DOCK7: variants seen among roughly 807,000 people sequenced by gnomAD.
DOCK7 encodes the protein dedicator of cytokinesis 7.
In DOCK7, 138 loss-of-function variants were observed where a neutral mutation model predicts 271.0. The ratio of observed to expected loss-of-function variants is 0.51; its 90% confidence interval spans 0.44 to 0.59. DOCK7 has a LOEUF of 0.59. DOCK7 is among the 20% of genes least tolerant of loss of function. DOCK7 has a pLI of 0.00. For synonymous variants in DOCK7, 823 were observed against 876.1 expected, an observed-to-expected ratio of 0.94 and a Z score of 1.07; for missense variants, 2,066 against 2,592.4, an observed-to-expected ratio of 0.80 and a Z score of 4.41.
chr1:62,640,554 G>A (rs192260712), intron 7 of DOCK7, among the ~76,000 whole-genome samples: 2 of 152,054 alleles, frequency 1.3e-5, no homozygotes, highest in African/African-American at 2.4e-5. Context: ...GTGTGTGTGT[G>A]TGTATTTGTT....
chr1:62,591,536 TAAAAG>T (rs750723978), intron 14 of DOCK7, among the ~76,000 whole-genome samples: 3 of 151,560 alleles, frequency 2.0e-5, no homozygotes, highest in African/African-American at 4.9e-5. Context: ...TAAAAAATAA[TAAAAG>T]AAAAGAAAAA....
intron 31 of DOCK7, among the ~76,000 whole-genome samples, chr1:62,516,523 G>GA (rs1233248155): frequency 1.3e-5 from 2 of 152,130 alleles, no homozygotes; most frequent in African/African-American, 4.8e-5. Context: ...ATGACCTCTA[G>GA]AAAACAGAAA....
chr1:62,653,466 A>C (rs908463924), intron 4 of DOCK7, among the ~76,000 whole-genome samples: 1 of 152,194 alleles, frequency 6.6e-6, no homozygotes, highest in African/African-American at 2.4e-5. Flanking sequence ...CCACAAAATC[A>C]TTATCATACA....
At chr1:62,487,330 A>G (rs1646322818) in intron 43 of DOCK7, 68 bp downstream of exon 43, 11 of 1,505,776 alleles carry the variant, frequency 7.3e-6, no homozygotes, top group Middle Eastern at 1.7e-4. Context: ...ATGTGGGCAA[A>G]GCATTGGCAT....
chr1:62,460,237 C>G (rs143211476), intron 48 of DOCK7, among the ~76,000 whole-genome samples: 1 of 151,692 alleles, frequency 6.6e-6, no homozygotes, highest in African/African-American at 2.4e-5. Flanking sequence ...ATAATCCAAG[C>G]TCACCCATAA....
rs1646247374 is a variant in DOCK7 at position 62,559,349 on chromosome 1, CATT to C, written c.2200-132_2200-130del. The C allele has an allele frequency of 1.6e-5, 9 of 580,372 alleles. No individual in the cohort carries two copies. The South Asian group carries it at 2.5e-4, about 16-fold the overall frequency. 36.0% of individuals were successfully genotyped at this position (580,372 alleles called of 1,614,324 possible). On this transcript the variant is annotated intron_variant, in intron 19 of 49. Coordinates refer to ENST00000635253, the MANE Select transcript of DOCK7 (RefSeq NM_001367561.1). The stretch of plus-strand genomic sequence containing the variant: ...TAAAAAGTTCAAGTAGGTATACAAA[CATT>C]GTTTCCAATTAAACAAATCTATTTT...
chr1:62,596,364 A>G (rs1649248014), intron 14 of DOCK7, among the ~76,000 whole-genome samples: 1 of 152,178 alleles, frequency 6.6e-6, no homozygotes. Flanking sequence ...CCATATTAAT[A>G]TGTCAAGATT....
chr1:62,462,809 T>C (rs1645568161), intron 48 of DOCK7, among the ~76,000 whole-genome samples: 1 of 152,108 alleles, frequency 6.6e-6, no homozygotes, highest in East Asian at 1.9e-4. Flanking sequence ...CTACGTAGAC[T>C]TGAACTTCTG....
At chr1:62,538,132 G>A in intron 27 of DOCK7, 71 bp from the exon 28 acceptor site, 1 of 1,468,828 alleles carries the variant, frequency 6.8e-7, no homozygotes, top group South Asian at 1.4e-5. Context: ...TACCAGAATG[G>A]CAAATTAGAA....
rs189264321 is a variant in DOCK7 at position 62,571,302 on chromosome 1, A to T, written c.2112+5960T>A. Reference sequence around the variant, plus strand: ...TGTGGCCAACAAACATACGAAAAAAAGCTCAGTATCACTGATCATCAGATA... The same window carrying T: ...TGTGGCCAACAAACATACGAAAAAATGCTCAGTATCACTGATCATCAGATA... On this transcript the variant is annotated intron_variant, in intron 18 of 49. Transcript: ENST00000635253. 3.8e-3 allele frequency among the ~76,000 whole-genome samples: 577 copies of T among 152,322 alleles called. 6 individuals carry two copies. The highest frequency in any genetic ancestry group is 0.013 in the African/African-American group (525 of 41,584).
At chr1:62,543,526 G>A (rs1365068441) in intron 24 of DOCK7, 130 bp downstream of exon 24, 1 of 586,110 alleles carries the variant, frequency 1.7e-6, no homozygotes, top group Non-Finnish European at 2.9e-6. Context: ...AGCAATGCTT[G>A]TTCAGATATA....
rs1652930251 is a variant in DOCK7, at chr1:62,619,880, T to C, written c.1519+20A>G. On this transcript the variant is annotated intron_variant, in intron 13 of 49. Transcript: ENST00000635253. ...TGATAATAATAGTTGCAACCATTTCTACTCAAAATTTTTAAATACCTGTAA... is the reference window on the plus strand; with the variant it reads ...TGATAATAATAGTTGCAACCATTTCCACTCAAAATTTTTAAATACCTGTAA... 2 of 1,530,532 alleles carry C rather than the reference T, an allele frequency of 1.3e-6. No individual in the cohort carries two copies. Among genetic ancestry groups the C allele is most frequent in the African/African-American group, 1.4e-5 (1 of 72,588 alleles). 94.8% of individuals were successfully genotyped at this position (1,530,532 alleles called of 1,614,324 possible).
intron 12 of DOCK7, among the ~76,000 whole-genome samples, chr1:62,623,766 A>G (rs926659440): frequency 6.6e-6 from 1 of 152,222 alleles, no homozygotes; most frequent in Non-Finnish European, 1.5e-5. Context: ...TACTGTCCAT[A>G]ATAAAAAGAC....
intron 4 of DOCK7, among the ~76,000 whole-genome samples, chr1:62,651,449 TAAAAAAAAAA>T (rs71045850): frequency 7.7e-6 from 1 of 130,156 alleles, no homozygotes; most frequent in Admixed American, 7.8e-5. Context: ...TAAAGTATAA[TAAAAAAAAAA>T]AAAAGAAAAA....
chr1:62,583,844 T>A (rs1647216458), intron 15 of DOCK7, among the ~76,000 whole-genome samples: 1 of 152,174 alleles, frequency 6.6e-6, no homozygotes, highest in Non-Finnish European at 1.5e-5. Flanking sequence ...ATATTACTTT[T>A]GGAATAAGTT....
intron 25 of DOCK7, among the ~76,000 whole-genome samples, chr1:62,542,324 A>G (rs1285836927): frequency 1.3e-5 from 2 of 152,198 alleles, no homozygotes; most frequent in Non-Finnish European, 2.9e-5. Flanking sequence ...TATAATGACT[A>G]GCAAAGAATG....
chr1:62,474,565 T>A (rs535271207), intron 47 of DOCK7, among the ~76,000 whole-genome samples: 1 of 149,400 alleles, frequency 6.7e-6, no homozygotes, highest in East Asian at 2.0e-4. Flanking sequence ...ATCGTGCATG[T>A]TTCTAAGAGC....
chr1:62,627,671 A>G (rs1654115938), intron 11 of DOCK7: 1 of 152,178 alleles, frequency 6.6e-6, no homozygotes, highest in African/African-American at 2.4e-5. Flanking sequence ...ATACTACGGT[A>G]TAAATTTAAC....
intron 14 of DOCK7, among the ~76,000 whole-genome samples, chr1:62,587,388 T>C (rs770080784): frequency 2.0e-5 from 3 of 149,082 alleles, no homozygotes; most frequent in Non-Finnish European, 3.0e-5. Context: ...TTTAGTATAA[T>C]AGAACCTTGC....
Sources: gnomAD v4.1 joint callset for allele counts (sites outside exome capture counted in the v4.1 genomes callset) on GRCh38, gnomAD v4.1.1 for gene constraint, MANE v1.5 for transcripts, NCBI Gene and HGNC (gene_info 2026-07-23, HGNC 2026-07-21) for gene names.